Variants in CRYAB observed in about 807,000 individuals in gnomAD.
CRYAB encodes alpha-crystallin B chain.
In CRYAB, 9 loss-of-function variants were observed where a neutral mutation model predicts 12.7. That is an observed-to-expected ratio of 0.71 (90% CI 0.43 to 1.24). CRYAB has a LOEUF of 1.24. CRYAB is among the 50% of genes most tolerant of loss of function. The pLI, the probability that CRYAB is intolerant of heterozygous loss-of-function variation, is 0.00. For synonymous variants in CRYAB, 93 were observed against 86.8 expected (o/e 1.07, Z -0.40); for missense variants, 183 against 226.6 (o/e 0.81, Z 1.24).
chr11:111,920,051 C>T (rs1157274967), intron 1 of CRYAB, among the ~76,000 whole-genome samples: 9 of 151,786 alleles, frequency 5.9e-5, no homozygotes, highest in Middle Eastern at 3.4e-3. Context: ...AAAAATTAGC[C>T]GGGCGTGGTG....
upstream of CRYAB, among the ~76,000 whole-genome samples, chr11:111,915,079 A>G (rs1388079314): frequency 6.6e-6 from 1 of 152,196 alleles, no homozygotes; most frequent in East Asian, 1.9e-4. Context: ...CAAAAAAATT[A>G]AATTGAATTG....
intron 2 of CRYAB, 39 bp downstream of exon 2, chr11:111,910,288 T>C (rs1965411596): frequency 1.2e-6 from 2 of 1,613,368 alleles, no homozygotes; most frequent in African/African-American, 1.3e-5. Flanking sequence ...CAGTATGCAC[T>C]GAATGAATGA....
At chr11:111,919,245 C>CCGG in intron 1 of CRYAB, 1 of 529,910 alleles carries the variant, frequency 1.9e-6, no homozygotes, top group Non-Finnish European at 3.4e-6. Context: ...GAGGCCGAGG[C>CCGG]CGGCGGATCA....
chr11:111,913,036 A>C, upstream of CRYAB: 5 of 737,750 alleles, frequency 6.8e-6, no homozygotes, highest in Non-Finnish European at 9.2e-6. Flanking sequence ...ATCTCCTGGG[A>C]CCAGCCACCC....
chr11:111,920,143 C>T (rs1965667601), intron 1 of CRYAB, among the ~76,000 whole-genome samples: 1 of 151,626 alleles, frequency 6.6e-6, no homozygotes, highest in South Asian at 2.1e-4. Flanking sequence ...TGCAGTGAGC[C>T]GAGATTGCAC....
intron 1 of CRYAB, chr11:111,918,718 C>T: frequency 1.5e-6 from 1 of 682,704 alleles, no homozygotes; most frequent in Non-Finnish European, 2.7e-6. Context: ...TTCATGGCTT[C>T]ATCAAAAGAC....
At chr11:111,913,236 C>T, upstream of CRYAB, 1 of 614,864 alleles carries the variant, frequency 1.6e-6, no homozygotes. Context: ...CCTTCTCCTC[C>T]TCCTCCTCCC....
In CRYAB at chr11:111,908,702, G is replaced by C; in HGVS notation, c.*62C>G. 1 of 1,545,606 alleles carries C rather than the reference G, an allele frequency of 6.5e-7. No individual in the cohort carries two copies. The highest frequency in any genetic ancestry group is 8.9e-7 in the Non-Finnish European group (1 of 1,120,340). On this transcript the variant is annotated 3_prime_UTR_variant, in exon 3 of 3. Coordinates refer to ENST00000650687, the MANE Select transcript of CRYAB (RefSeq NM_001289808.2). ...TAATAAGCTTCAGCACTAGTCACAAGACTTTCATTCACTGGTGGGGAAACT... is the reference window on the plus strand; with the variant it reads ...TAATAAGCTTCAGCACTAGTCACAACACTTTCATTCACTGGTGGGGAAACT...
upstream of CRYAB, chr11:111,912,699 GGCACTATTTTGGGTGGTGTCGA>G: frequency 2.7e-6 from 1 of 374,028 alleles, no homozygotes; most frequent in Non-Finnish European, 4.8e-6. Context: ...CAAGAGGCTC[GGCACTATTTTGGGTGGTGTCGA>G]CCCCGCCCCC....
At chr11:111,921,210 G>A (rs1555166541) in intron 1 of CRYAB, among the ~76,000 whole-genome samples, 1 of 152,190 alleles carries the variant, frequency 6.6e-6, no homozygotes, top group African/African-American at 2.4e-5. Flanking sequence ...TTCAAGTCCT[G>A]CCCTACTACT....
At chr11:111,913,355 A>G (rs1555165834), upstream of CRYAB, 4 of 1,047,908 alleles carry the variant, frequency 3.8e-6, no homozygotes, top group Non-Finnish European at 5.7e-6. Context: ...GCTCTTCCCA[A>G]TCCCTCCTCT....
Position 111,911,708 on chromosome 11 carries a change from T to A in CRYAB, c.17A>T (p.His6Leu), listed in dbSNP as rs1002278304. 11 of 1,587,622 alleles carry A rather than the reference T, an allele frequency of 6.9e-6. No individual in the cohort carries two copies. Among genetic ancestry groups the A allele is most frequent in the Non-Finnish European group, 9.4e-6 (11 of 1,167,068 alleles). MDIAIHHPWIRRPFFP... is the reference protein window; with the variant it reads MDIAILHPWIRRPFFP... ...GAAGGGGCGGCGGATCCAGGGGTGGTGGATGGCGATGTCCATGGTGGCTAG... is the reference window on the plus strand; with the variant it reads ...GAAGGGGCGGCGGATCCAGGGGTGGAGGATGGCGATGTCCATGGTGGCTAG... Residue 6 changes from histidine to leucine, a missense_variant, in exon 1 of 3, where the codon CAC becomes CTC. By Grantham distance (99) the His-to-Leu change is moderately conservative. Coordinates refer to ENST00000650687, the MANE Select transcript of CRYAB (RefSeq NM_001289808.2).
At chr11:111,913,092 C>A, upstream of CRYAB, 1 of 643,678 alleles carries the variant, frequency 1.6e-6, no homozygotes, top group Non-Finnish European at 2.8e-6. Context: ...AGATCTTTCC[C>A]ATTCCTGCTG....
At chr11:111,909,398 A>G (rs12280303) in intron 2 of CRYAB, 54 of 349,960 alleles carry the variant, frequency 1.5e-4, no homozygotes, top group African/African-American at 1.1e-3. Flanking sequence ...AAAAAAAATG[A>G]CTCCATCCAA....
At chr11:111,920,793 A>C (rs1463589341) in intron 1 of CRYAB, among the ~76,000 whole-genome samples, 9 of 152,150 alleles carry the variant, frequency 5.9e-5, no homozygotes, top group Admixed American at 5.9e-4. Context: ...AAAGGGCAGA[A>C]GTAGGAAAAA....
At chr11:111,914,931 C>T (rs1225031423), upstream of CRYAB, among the ~76,000 whole-genome samples, 2 of 151,962 alleles carry the variant, frequency 1.3e-5, no homozygotes, top group Non-Finnish European at 1.5e-5. Context: ...AAAAATTAGC[C>T]AGGCATGGTG....
chr11:111,915,565 T>G (rs1555166056), upstream of CRYAB, among the ~76,000 whole-genome samples: 1 of 152,250 alleles, frequency 6.6e-6, no homozygotes, highest in East Asian at 1.9e-4. Flanking sequence ...CACATTGATA[T>G]GTTTTGTAAC....
upstream of CRYAB, chr11:111,913,842 C>T: frequency 6.2e-7 from 1 of 1,613,802 alleles, no homozygotes; most frequent in South Asian, 1.1e-5. Context: ...CTCCCTGCTC[C>T]CTGCGCCTCC....
upstream of CRYAB, chr11:111,913,217 C>CCTCCTCCTCCTT: frequency 1.7e-6 from 1 of 604,302 alleles, no homozygotes; most frequent in Admixed American, 3.0e-5. Flanking sequence ...TCCTCCTCCC[C>CCTCCTCCTCCTT]CTCCTCCTCC....
Sources: allele counts gnomAD v4.1 joint callset (sites outside exome capture counted in the v4.1 genomes callset), GRCh38; gene constraint gnomAD v4.1.1; transcripts MANE v1.5; gene names NCBI Gene and HGNC (gene_info 2026-07-23, HGNC 2026-07-21).